Variants in GNAT2 observed in about 807,000 individuals in gnomAD.
GNAT2 encodes G protein subunit alpha transducin 2, also known as guanine nucleotide-binding protein G(t) subunit alpha-2.
A neutral mutation model predicts 40.9 loss-of-function variants in GNAT2; 32 were observed. The observed-to-expected ratio is 0.78, with a 90% CI of 0.59 to 1.05. The LOEUF is 1.05. Ranked by LOEUF, GNAT2 falls within the 50% of genes least tolerant of loss-of-function variation. The probability of loss-of-function intolerance (pLI) is 0.00; values close to 1 mark genes in which losing one functional copy is unlikely to be tolerated. For synonymous variants in GNAT2, 141 were observed against 157.2 expected (o/e 0.90, Z 0.77); for missense variants, 355 against 431.5 (o/e 0.82, Z 1.57).
chr1:109,609,452 G>C (rs1218980379), intron 4 of GNAT2: 1 of 180,804 alleles, frequency 5.5e-6, no homozygotes, highest in Non-Finnish European at 1.2e-5. Flanking sequence ...AGACAAGATG[G>C]CAAGACCCCT....
At position 109,603,533 on chromosome 1, in the gene GNAT2, A is replaced by G. The variant is rs757147586; in HGVS notation, c.886T>C (p.Tyr296His). Residue 296 changes from tyrosine to histidine, a missense_variant, in exon 9 of 9, where the codon TAT (tyrosine) becomes CAT (histidine). By Grantham distance (83) the Tyr-to-His change is moderately conservative (BLOSUM62 2). Coordinates refer to ENST00000679935, the MANE Select transcript of GNAT2 (RefSeq NM_001377295.2). Reference protein sequence around the residue: ...CFPEYDGNNSYDDAGNYIKSQ... With the variant: ...CFPEYDGNNSHDDAGNYIKSQ... ...TTTATGTAATTCCCCGCATCATCAT[A>G]GGAGTTGTTACCTGGTTTTCCAGAA... The G allele has an allele frequency of 3.1e-6, 5 of 1,607,462 alleles. No homozygotes were observed. The highest frequency in any genetic ancestry group is 4.3e-6 in the Non-Finnish European group (5 of 1,173,996).
chr1:109,608,807 G>A lies in GNAT2; in HGVS notation c.304-19C>T, dbSNP rs1233318470. On this transcript the variant is annotated intron_variant, in intron 4 of 8. Coordinates refer to ENST00000679935, the MANE Select transcript of GNAT2 (RefSeq NM_001377295.2). ...CGTCATCCTGTAATGCAGAAACCTGGTTAAGAACTTCACAGGAGTAATAGC... is the reference window on the plus strand; with the variant it reads ...CGTCATCCTGTAATGCAGAAACCTGATTAAGAACTTCACAGGAGTAATAGC... 4 of 1,609,900 alleles carry A rather than the reference G, an allele frequency of 2.5e-6. No homozygotes were observed. The highest frequency in any genetic ancestry group is 3.4e-6 in the Non-Finnish European group (4 of 1,176,206).
chr1:109,603,283 A>T lies in GNAT2; in HGVS notation c.*71T>A. On this transcript the variant is annotated 3_prime_UTR_variant, in exon 9 of 9. Transcript: ENST00000679935. The stretch of plus-strand genomic sequence containing the variant: ...TTCTTCATGTCATGGTATATTGACT[A>T]TAATTTTCTGTTTTTAATTACCCAG... 1 of 819,300 alleles carries T rather than the reference A, an allele frequency of 1.2e-6. No homozygotes were observed. The highest frequency in any genetic ancestry group is 2.1e-6 in the Non-Finnish European group (1 of 466,574). The allele number at this position is 819,300 out of a possible 1,614,324, so 50.8% of individuals were successfully genotyped here.
At chr1:109,606,251 C>T in intron 6 of GNAT2, 57 bp downstream of exon 6, 1 of 1,597,516 alleles carries the variant, frequency 6.3e-7, no homozygotes, top group South Asian at 1.1e-5. Context: ...CCTGCCTGTG[C>T]CCCTTTTCAG....
chr1:109,604,235 A>G, intron 7 of GNAT2, 131 bp from the exon 8 acceptor site: 1 of 738,544 alleles, frequency 1.4e-6, no homozygotes, highest in Non-Finnish European at 2.4e-6. Flanking sequence ...AGCTTATCTC[A>G]ATGTACCAGA....
chr1:109,610,545 G>T, intron 2 of GNAT2, 38 bp from the exon 3 acceptor site: 1 of 1,587,818 alleles, frequency 6.3e-7, no homozygotes, highest in Non-Finnish European at 8.6e-7. Context: ...ATTTCCACCA[G>T]TTCTCCTCAG....
chr1:109,605,908 T>TAG, intron 7 of GNAT2, 62 bp downstream of exon 7: 1 of 1,507,340 alleles, frequency 6.6e-7, no homozygotes. Context: ...ACACAAGGCT[T>TAG]AGAGAAAGGG....
intron 2 of GNAT2, chr1:109,611,146 G>T (rs1292895672): frequency 6.4e-6 from 1 of 156,390 alleles, no homozygotes; most frequent in South Asian, 1.9e-4. Context: ...GAGTAGTTGG[G>T]ATTCCAGGTG....
At chr1:109,606,229 A>G in intron 6 of GNAT2, 79 bp downstream of exon 6, 2 of 1,575,256 alleles carry the variant, frequency 1.3e-6, no homozygotes, top group East Asian at 2.2e-5. Flanking sequence ...GGCTTCACCA[A>G]AGGCCAAGAA....
At chr1:109,608,605 C>CCCA in intron 5 of GNAT2, 26 bp downstream of exon 5, 1 of 1,607,910 alleles carries the variant, frequency 6.2e-7, no homozygotes, top group Non-Finnish European at 8.5e-7. Flanking sequence ...TAAGCATCAA[C>CCCA]CCACCCTCTC....
chr1:109,614,327 C>T (rs759172743), intron 1 of GNAT2: 1 of 152,206 alleles, frequency 6.6e-6, no homozygotes, highest in Non-Finnish European at 1.5e-5. Flanking sequence ...TGTGTTTCCT[C>T]AAGTCTTAGG....
At chr1:109,605,831 A>G in intron 7 of GNAT2, 139 bp downstream of exon 7, 1 of 779,450 alleles carries the variant, frequency 1.3e-6, no homozygotes, top group Non-Finnish European at 2.3e-6. Context: ...AATTATTTGC[A>G]TGAGACATTG....
At position 109,606,186 on chromosome 1, in the gene GNAT2, A is replaced by G. The variant is rs932086888; in HGVS notation, c.591-87T>C. Reference sequence around the variant, plus strand: ...GGTCACCCCGTGAAGTGGGAGAGGAAAAGGGGGAGAAGCAGAACAGTAATT... The same window carrying G: ...GGTCACCCCGTGAAGTGGGAGAGGAGAAGGGGGAGAAGCAGAACAGTAATT... On this transcript the variant is annotated intron_variant, in intron 6 of 8. Coordinates refer to ENST00000679935, the MANE Select transcript of GNAT2 (RefSeq NM_001377295.2). 4.4e-6 allele frequency: 7 copies of G among 1,573,886 alleles called. No individual in the cohort carries two copies. In the African/African-American group the frequency reaches 9.5e-5, roughly 21 times the overall value.
chr1:109,618,568 A>T (rs1650024952), intron 1 of GNAT2, among the ~76,000 whole-genome samples: 1 of 152,238 alleles, frequency 6.6e-6, no homozygotes. Flanking sequence ...GAAAGATTAT[A>T]TCAGTGTTCA....
Position 109,610,453 on chromosome 1 carries a change from GT to G in GNAT2, c.161+11del. The G allele has an allele frequency of 6.2e-7, 1 of 1,612,464 alleles. No individual in the cohort carries two copies. Among genetic ancestry groups the G allele is most frequent in the Non-Finnish European group, 8.5e-7 (1 of 1,178,572 alleles). On this transcript the variant is annotated intron_variant, in intron 3 of 8. Transcript: ENST00000679935. Reference sequence around the variant, plus strand: ...ACCCTATCTTGTCTTTTGGGGCTTTGTTTCTACTCACTTCATCTGTTTGACG... The same window carrying G: ...ACCCTATCTTGTCTTTTGGGGCTTTGTTCTACTCACTTCATCTGTTTGACG...
intron 7 of GNAT2, 84 bp from the exon 8 acceptor site, chr1:109,604,188 G>T: frequency 9.5e-7 from 1 of 1,052,468 alleles, no homozygotes; most frequent in Non-Finnish European, 1.5e-6. Flanking sequence ...CCCTTGGAGA[G>T]ACCAGTGCTC....
At chr1:109,615,803 T>C (rs1034725410) in intron 1 of GNAT2, 1 of 152,188 alleles carries the variant, frequency 6.6e-6, no homozygotes, top group African/African-American at 2.4e-5. Context: ...AAAACAAAGT[T>C]ATATGGCCTA....
In GNAT2 at chr1:109,603,182, T is replaced by C; in HGVS notation, c.*172A>G. ...CTGGCCTGTGCTCTTTAAGCTGCAA[T>C]AGCTATCCCACTTTGAAAAGAACGT... is the stretch of plus-strand genomic sequence containing the variant. On this transcript the variant is annotated 3_prime_UTR_variant, in exon 9 of 9. Transcript: ENST00000679935. 2 of 639,282 alleles carry C rather than the reference T, an allele frequency of 3.1e-6. No homozygotes were observed. The highest frequency in any genetic ancestry group is 5.0e-5 in the Admixed American group (2 of 40,284). 39.6% of individuals were successfully genotyped at this position (639,282 alleles called of 1,614,324 possible). A position where few individuals can be genotyped will look rare whatever the true frequency, so the allele number is the denominator to read the frequency against.
chr1:109,615,106 TAAC>T (rs1204294276), intron 1 of GNAT2: 2 of 152,250 alleles, frequency 1.3e-5, no homozygotes, highest in African/African-American at 4.8e-5. Flanking sequence ...TTATAATTAA[TAAC>T]TGCTGAACAA....
Sources: allele counts gnomAD v4.1 joint callset (sites outside exome capture counted in the v4.1 genomes callset), GRCh38; gene constraint gnomAD v4.1.1; transcripts MANE v1.5; gene names NCBI Gene and HGNC (gene_info 2026-07-23, HGNC 2026-07-21).